CNTNAP2: variants seen among roughly 807,000 people sequenced by gnomAD.
CNTNAP2 encodes the protein contactin associated protein 2.
Under a neutral mutation model 155.2 loss-of-function variants are expected in CNTNAP2, and 98 were observed. That is an observed-to-expected ratio of 0.63 (90% CI 0.54 to 0.75). CNTNAP2 has a LOEUF of 0.75. Ranked by LOEUF, CNTNAP2 falls within the 30% of genes least tolerant of loss-of-function variation. The pLI is 0.00. For synonymous variants in CNTNAP2, 651 were observed against 631.2 expected (o/e 1.03, Z -0.47); for missense variants, 1,727 against 1,688.1 (o/e 1.02, Z -0.40).
intron 1 of CNTNAP2, among the ~76,000 whole-genome samples, chr7:146,484,159 T>A (rs1797021343): frequency 6.6e-6 from 1 of 152,224 alleles, no homozygotes; most frequent in Admixed American, 6.5e-5. Flanking sequence ...ACAAGTTTGT[T>A]ACCTGGGAGC....
intron 1 of CNTNAP2, among the ~76,000 whole-genome samples, chr7:146,676,903 G>A (rs1005081278): frequency 6.6e-6 from 1 of 152,178 alleles, no homozygotes; most frequent in African/African-American, 2.4e-5. Context: ...TACAGTTCAA[G>A]ATGAGATTTG....
intron 21 of CNTNAP2, among the ~76,000 whole-genome samples, chr7:148,363,720 T>C (rs1360596533): frequency 1.3e-5 from 2 of 152,172 alleles, no homozygotes; most frequent in African/African-American, 2.4e-5. Flanking sequence ...TTTGGTGGCA[T>C]TTGAGGAGCC....
chr7:146,683,820 C>T (rs1047967914), intron 1 of CNTNAP2, among the ~76,000 whole-genome samples: 4 of 152,138 alleles, frequency 2.6e-5, no homozygotes, highest in African/African-American at 9.7e-5. Flanking sequence ...CAAAGGACAG[C>T]CTGTTTCAAG....
intron 10 of CNTNAP2, among the ~76,000 whole-genome samples, chr7:147,404,113 C>T (rs1052301197): frequency 6.6e-6 from 1 of 152,106 alleles, no homozygotes; most frequent in South Asian, 2.1e-4. Context: ...CTGGAAATAC[C>T]TTACTTTCAT....
At chr7:147,577,352 A>G (rs539302831) in intron 12 of CNTNAP2, among the ~76,000 whole-genome samples, 33 of 152,206 alleles carry the variant, frequency 2.2e-4, no homozygotes, top group African/African-American at 7.7e-4. Flanking sequence ...ATAGAAGAAG[A>G]GGATTTGACA....
intron 1 of CNTNAP2, among the ~76,000 whole-genome samples, chr7:146,256,364 T>G (rs1171821994): frequency 6.6e-6 from 1 of 152,192 alleles, no homozygotes; most frequent in African/African-American, 2.4e-5. Flanking sequence ...TCATGATTAT[T>G]GATTTCTAAA....
chr7:147,110,783 C>T (rs1800860781), intron 5 of CNTNAP2, among the ~76,000 whole-genome samples: 1 of 152,116 alleles, frequency 6.6e-6, no homozygotes, highest in African/African-American at 2.4e-5. Flanking sequence ...CATTGATGGG[C>T]ATTTAGGTTG....
intron 2 of CNTNAP2, among the ~76,000 whole-genome samples, chr7:146,787,467 C>T (rs954936190): frequency 2.0e-5 from 3 of 152,088 alleles, no homozygotes; most frequent in Non-Finnish European, 4.4e-5. Context: ...TGCGGTGTTA[C>T]AGCTCTTAAA....
intron 1 of CNTNAP2, among the ~76,000 whole-genome samples, chr7:146,762,909 C>A (rs1207938332): frequency 6.6e-6 from 1 of 152,262 alleles, no homozygotes; most frequent in South Asian, 2.1e-4. Flanking sequence ...CAATTACCTC[C>A]AACTGGGTCC....
At chr7:146,414,537 C>T (rs1795910028) in intron 1 of CNTNAP2, among the ~76,000 whole-genome samples, 1 of 152,150 alleles carries the variant, frequency 6.6e-6, no homozygotes, top group African/African-American at 2.4e-5. Flanking sequence ...CTCCATAGTC[C>T]TGGCAGCTGC....
At chr7:146,813,170 T>A (rs1312181873) in intron 2 of CNTNAP2, among the ~76,000 whole-genome samples, 1 of 152,182 alleles carries the variant, frequency 6.6e-6, no homozygotes, top group Non-Finnish European at 1.5e-5. Flanking sequence ...ACTGGGGCAC[T>A]GCCTAGTGGA....
chr7:147,260,103 T>C (rs1050044793), intron 8 of CNTNAP2, among the ~76,000 whole-genome samples: 1 of 152,118 alleles, frequency 6.6e-6, no homozygotes, highest in African/African-American at 2.4e-5. Context: ...ATGGAAGAGA[T>C]CAAGGACGAA....
intron 1 of CNTNAP2, among the ~76,000 whole-genome samples, chr7:146,477,219 C>T (rs753252276): frequency 3.9e-5 from 6 of 152,078 alleles, no homozygotes; most frequent in Non-Finnish European, 8.8e-5. Flanking sequence ...ATTGAGGAAA[C>T]GAATTTATCA....
chr7:148,365,747 T>C (rs770721299), intron 21 of CNTNAP2, among the ~76,000 whole-genome samples: 2,428 of 66,912 alleles, frequency 0.036, 872 homozygotes, highest in Non-Finnish European at 0.061. Flanking sequence ...TGTATACATG[T>C]ATACATGTAT....
At chr7:146,735,062 T>C (rs1801588024) in intron 1 of CNTNAP2, among the ~76,000 whole-genome samples, 1 of 152,208 alleles carries the variant, frequency 6.6e-6, no homozygotes, top group Non-Finnish European at 1.5e-5. Flanking sequence ...TTTCAAAATA[T>C]CATGATGATC....
intron 13 of CNTNAP2, among the ~76,000 whole-genome samples, chr7:147,837,708 A>G (rs996461327): frequency 1.3e-5 from 2 of 152,154 alleles, no homozygotes; most frequent in East Asian, 3.9e-4. Context: ...AATCGGAGAA[A>G]TTGGCCAGAC....
intron 3 of CNTNAP2, among the ~76,000 whole-genome samples, chr7:146,863,380 AAG>A (rs1287352569): frequency 3.3e-5 from 5 of 152,146 alleles, no homozygotes; most frequent in Non-Finnish European, 5.9e-5. Flanking sequence ...AATTGAGATG[AAG>A]AGTTATCAAT....
intron 1 of CNTNAP2, among the ~76,000 whole-genome samples, chr7:146,196,608 A>G (rs1798780200): frequency 6.6e-6 from 1 of 152,034 alleles, no homozygotes; most frequent in South Asian, 2.1e-4. Flanking sequence ...AGAGAAAGAG[A>G]GAGAATTGTG....
intron 1 of CNTNAP2, among the ~76,000 whole-genome samples, chr7:146,544,407 C>G (rs914453460): frequency 6.6e-6 from 1 of 151,978 alleles, no homozygotes; most frequent in Non-Finnish European, 1.5e-5. Context: ...TTTAACAGCA[C>G]ACTTTCCGCT....
Sources: allele counts gnomAD v4.1 joint callset (sites outside exome capture counted in the v4.1 genomes callset), GRCh38; gene constraint gnomAD v4.1.1; transcripts MANE v1.5; gene names NCBI Gene and HGNC (gene_info 2026-07-23, HGNC 2026-07-21).